The following XG variants were observed in gnomAD, a reference collection of about 807,000 sequenced individuals.
The protein encoded by XG is glycoprotein Xg.
Under a neutral mutation model 25.7 loss-of-function variants are expected in XG, and 24 were observed. That is an observed-to-expected ratio of 0.93 (90% confidence interval 0.68 to 1.31). The LOEUF is 1.31. Among genes scored for constraint, XG ranks in the 40% most tolerant of loss-of-function variants. XG has a pLI of 0.00. For synonymous variants in XG, 77 were observed against 69.2 expected, an observed-to-expected ratio of 1.11 and a Z score of -0.56; for missense variants, 181 against 187.6, an observed-to-expected ratio of 0.96 and a Z score of 0.21.
At chrX:2,767,591 A>C (rs1351703445) in intron 1 of XG, among the ~76,000 whole-genome samples, 4 of 152,102 alleles carry the variant, frequency 2.6e-5, no homozygotes, top group Non-Finnish European at 5.9e-5. Flanking sequence ...GTCATGTGCA[A>C]CCCGACCTTG....
At chrX:2,765,195 A>G (rs1319698612) in intron 1 of XG, among the ~76,000 whole-genome samples, 1 of 151,890 alleles carries the variant, frequency 6.6e-6, no homozygotes. Context: ...AAAATAAAAA[A>G]AATTAGTTGG....
At chrX:2,798,823 T>TG (rs1457711875) in intron 7 of XG, among the ~76,000 whole-genome samples, 2 of 111,091 alleles carry the variant, frequency 1.8e-5, no homozygotes, top group African/African-American at 6.5e-5. Context: ...ACCATCTTTT[T>TG]GGTTAAAACT....
At chrX:2,790,078 G>C (rs111734359) in intron 5 of XG, among the ~76,000 whole-genome samples, 3,728 of 111,020 alleles carry the variant, frequency 0.034, 170 homozygotes, top group African/African-American at 0.12. Context: ...ACAGGATCTT[G>C]CTGTGTTGTT....
chrX:2,766,391 G>A (rs1266881133), intron 1 of XG, among the ~76,000 whole-genome samples: 3 of 151,634 alleles, frequency 2.0e-5, no homozygotes, highest in African/African-American at 4.8e-5. Context: ...TGCCCTCCTC[G>A]GCCTCCCAAA....
chrX:2,774,671 G>T (rs1159085596), intron 2 of XG, 45 bp from the exon 3 acceptor site: 1 of 1,612,418 alleles, frequency 6.2e-7, no homozygotes, highest in Non-Finnish European at 8.5e-7. Flanking sequence ...TGCTTCCAAT[G>T]AATCTTCAAT....
At chrX:2,774,929 C>A in intron 3 of XG, 190 bp downstream of exon 3, 1 of 694,268 alleles carries the variant, frequency 1.4e-6, no homozygotes. Context: ...AGTGAAGCAC[C>A]ACTTCGTCCC....
In XG at chrX:2,797,303, C is replaced by T; in HGVS notation, c.323-7C>T. On this transcript the variant is annotated splice_polypyrimidine_tract_variant and splice_region_variant and intron_variant, in intron 6 of 10. Transcript: ENST00000644266. Reference sequence around the variant, plus strand: ...CATCCCTCAACTCTACCTTCTCTGTCTAACAGGAGGTGGCGGCGGTGGCTA... The same window carrying T: ...CATCCCTCAACTCTACCTTCTCTGTTTAACAGGAGGTGGCGGCGGTGGCTA... 8.3e-7 allele frequency: 1 copy of T among 1,210,633 alleles called. No individual in the cohort carries two copies. The highest frequency in any genetic ancestry group is 1.1e-6 in the Non-Finnish European group (1 of 894,859).
At position 2,809,757 on chromosome X, in the gene XG, G is replaced by A. The variant is rs770490479; in HGVS notation, c.454+1537G>A. On this transcript the variant is annotated intron_variant, in intron 9 of 10. Coordinates refer to ENST00000644266, the MANE Select transcript of XG (RefSeq NM_001141919.2). ...CCAGCGCTTTGACCATGTTTCCTGG[G>A]TCTTCTTATGTATCTGGGACTTTAG... Among the ~76,000 whole-genome samples the A allele has an allele frequency of 2.6e-4, 29 of 111,825 alleles. No individual in the cohort carries two copies. In the South Asian group the frequency reaches 0.011, roughly 41 times the overall value.
rs773295223 is a variant in XG, at chrX:2,769,887, G to A, written c.62-663G>A. 1.5e-3 allele frequency among the ~76,000 whole-genome samples: 232 copies of A among 152,236 alleles called. 2 individuals carry two copies. Among genetic ancestry groups the A allele is most frequent in the Non-Finnish European group, 2.2e-3 (151 of 68,016 alleles). ...AATTAAAAGTTTATCTCTTGTTTGT[G>A]TTGCAGCCAGGTGAGGTGGCAAAGG... On this transcript the variant is annotated intron_variant, in intron 1 of 10. Transcript: ENST00000644266.
chrX:2,761,106 A>G (rs1006330373), intron 1 of XG, among the ~76,000 whole-genome samples: 1 of 152,156 alleles, frequency 6.6e-6, no homozygotes, highest in African/African-American at 2.4e-5. Context: ...CGTCTCCAAA[A>G]TTTATATATT....
At chrX:2,778,060 G>A (rs1391082930) in intron 3 of XG, among the ~76,000 whole-genome samples, 3 of 152,200 alleles carry the variant, frequency 2.0e-5, no homozygotes, top group African/African-American at 4.8e-5. Flanking sequence ...CCTTCGAGGT[G>A]CAAACAACTT....
intron 3 of XG, among the ~76,000 whole-genome samples, chrX:2,776,832 G>A (rs771921748): frequency 6.7e-6 from 1 of 149,460 alleles, no homozygotes; most frequent in South Asian, 2.1e-4. Flanking sequence ...GGGCGACAGA[G>A]CGAGACTCCG....
intron 3 of XG, among the ~76,000 whole-genome samples, chrX:2,777,094 T>C (rs2051015607): frequency 6.6e-6 from 1 of 152,148 alleles, no homozygotes; most frequent in African/African-American, 2.4e-5. Flanking sequence ...TAAGAAGAAA[T>C]TCACACCCTG....
chrX:2,768,318 T>C (rs755401358), intron 1 of XG, among the ~76,000 whole-genome samples: 3 of 152,288 alleles, frequency 2.0e-5, no homozygotes, highest in African/African-American at 7.2e-5. Flanking sequence ...TCTCAGGGTG[T>C]GTGCATAGCC....
In XG at chrX:2,782,072, A is replaced by G; in HGVS notation, c.134A>G (p.Tyr45Cys). ...AATGTTGTTTCCTCCACAGATATCT[A>G]CCCAAAGCCAAAACCACCTTACTAC... ...EPTKKPNSDI[Y>C]PKPKPPYYPQ... Residue 45 changes from tyrosine (Y) to cysteine (C), a missense_variant, in exon 4 of 11, where the codon TAC (tyrosine) becomes TGC (cysteine). Physicochemically the swap from Tyr to Cys is radical, Grantham distance 194 (BLOSUM62 -2). Coordinates refer to ENST00000644266, the MANE Select transcript of XG (RefSeq NM_001141919.2). The G allele has an allele frequency of 8.3e-7, 1 of 1,211,064 alleles. No individual in the cohort carries two copies. The highest frequency in any genetic ancestry group is 1.1e-6 in the Non-Finnish European group (1 of 895,099).
At chrX:2,787,687 A>C (rs774057955) in intron 4 of XG, among the ~76,000 whole-genome samples, 3 of 110,095 alleles carry the variant, frequency 2.7e-5, no homozygotes, top group Admixed American at 9.7e-5. Flanking sequence ...TGGGTGGATC[A>C]CCTGAAGTCA....
rs755282579 is a variant in XG, at chrX:2,814,387, T to C, written c.*7T>C. 1 of 1,206,548 alleles carries C rather than the reference T, an allele frequency of 8.3e-7. No homozygotes were observed. Among genetic ancestry groups the C allele is most frequent in the Non-Finnish European group, 1.1e-6 (1 of 893,499 alleles). Reference sequence around the variant, plus strand: ...AGAACCAGAAAATGTCTGAAGATGTTAAGATCCCCTGATTACTTTGAGAAA... The same window carrying C: ...AGAACCAGAAAATGTCTGAAGATGTCAAGATCCCCTGATTACTTTGAGAAA... On this transcript the variant is annotated 3_prime_UTR_variant, in exon 11 of 11. Transcript: ENST00000644266.
intron 2 of XG, among the ~76,000 whole-genome samples, chrX:2,773,111 G>A (rs1200995013): frequency 2.0e-5 from 3 of 151,074 alleles, no homozygotes; most frequent in Non-Finnish European, 4.4e-5. Context: ...AAGGGAAAAG[G>A]AAGAGAAGAA....
At chrX:2,794,440 C>A in intron 5 of XG, 95 bp from the exon 6 acceptor site, 1 of 988,783 alleles carries the variant, frequency 1.0e-6, no homozygotes, top group Non-Finnish European at 1.4e-6. Context: ...GAACGCTCTT[C>A]TCCAAAACCT....
Sources: gnomAD v4.1 joint callset for allele counts (sites outside exome capture counted in the v4.1 genomes callset) on GRCh38, gnomAD v4.1.1 for gene constraint, MANE v1.5 for transcripts, NCBI Gene and HGNC (gene_info 2026-07-23, HGNC 2026-07-21) for gene names.